The following PCSK5 variants were observed in gnomAD, a reference collection of about 807,000 sequenced individuals.
PCSK5 encodes the protein prohormone convertase 5.
PCSK5 carries 129 observed loss-of-function variants against 233.2 expected under a neutral mutation model. The observed-to-expected ratio is 0.55, with a 90% confidence interval of 0.48 to 0.64. PCSK5 has a LOEUF of 0.64. Among genes scored for constraint, PCSK5 ranks in the 30% least tolerant of loss-of-function variants. PCSK5 has a pLI of 0.00. For missense variants in PCSK5, 2,076 were observed against 2,430.1 expected (o/e 0.85, Z 3.06); for synonymous variants, 825 against 879.2 (o/e 0.94, Z 1.09).
chr9:76,031,232 ACT>A (rs1322671876), intron 5 of PCSK5, among the ~76,000 whole-genome samples: 1 of 152,154 alleles, frequency 6.6e-6, no homozygotes, highest in Non-Finnish European at 1.5e-5. Flanking sequence ...CAGATAGATA[ACT>A]CTGTTTGGAT....
At chr9:76,146,629 ATAAGT>A (rs1823453407) in intron 10 of PCSK5, among the ~76,000 whole-genome samples, 4 of 152,088 alleles carry the variant, frequency 2.6e-5, no homozygotes, top group African/African-American at 9.6e-5. Flanking sequence ...CTTGGAAAAG[ATAAGT>A]TATGTAGATG....
At chr9:76,215,174 G>T (rs980135026) in intron 20 of PCSK5, among the ~76,000 whole-genome samples, 2 of 152,220 alleles carry the variant, frequency 1.3e-5, no homozygotes, top group African/African-American at 4.8e-5. Flanking sequence ...GAACAGCAGA[G>T]AGAGGAATTG....
chr9:76,187,921 T>C (rs1824183187), intron 17 of PCSK5, among the ~76,000 whole-genome samples: 2 of 152,158 alleles, frequency 1.3e-5, no homozygotes, highest in Admixed American at 1.3e-4. Flanking sequence ...ATTGGGGAAA[T>C]AGCAGTACAG....
intron 8 of PCSK5, among the ~76,000 whole-genome samples, chr9:76,105,877 T>C (rs1831957825): frequency 6.6e-6 from 1 of 152,220 alleles, no homozygotes; most frequent in Non-Finnish European, 1.5e-5. Context: ...ACTTATGGTC[T>C]CATGTGAAAC....
chr9:75,917,306 G>A (rs926401687), intron 1 of PCSK5, among the ~76,000 whole-genome samples: 2 of 152,174 alleles, frequency 1.3e-5, no homozygotes, highest in Admixed American at 1.3e-4. Context: ...TTGTAAAACT[G>A]TTGAAGTGGG....
At chr9:76,328,437 G>A (rs983387468) in intron 33 of PCSK5, among the ~76,000 whole-genome samples, 198 bp downstream of exon 33, 2 of 152,150 alleles carry the variant, frequency 1.3e-5, no homozygotes, top group African/African-American at 2.4e-5. Context: ...CATCCAGTTC[G>A]CAAATTGCTC....
intron 2 of PCSK5, among the ~76,000 whole-genome samples, chr9:75,945,021 A>G (rs1824498254): frequency 6.6e-6 from 1 of 152,022 alleles, no homozygotes; most frequent in Non-Finnish European, 1.5e-5. Flanking sequence ...AGGCAGGAGA[A>G]TTGCTTGAAC....
intron 12 of PCSK5, among the ~76,000 whole-genome samples, chr9:76,164,188 C>T (rs899340639): frequency 1.3e-5 from 2 of 152,162 alleles, no homozygotes; most frequent in African/African-American, 4.8e-5. Flanking sequence ...TATATAAATG[C>T]ATCTGTGGGT....
intron 9 of PCSK5, among the ~76,000 whole-genome samples, chr9:76,112,031 G>A (rs959756123): frequency 6.6e-6 from 1 of 152,078 alleles, no homozygotes; most frequent in African/African-American, 2.4e-5. Flanking sequence ...GCAATTATTA[G>A]CAATGAAAAG....
At chr9:76,112,552 A>G (rs1832267085) in intron 9 of PCSK5, among the ~76,000 whole-genome samples, 1 of 152,022 alleles carries the variant, frequency 6.6e-6, no homozygotes, top group South Asian at 2.1e-4. Context: ...TCTCCTTATT[A>G]CTTATCTTTT....
chr9:75,934,834 C>G (rs1233577497), intron 2 of PCSK5, among the ~76,000 whole-genome samples: 1 of 152,102 alleles, frequency 6.6e-6, no homozygotes, highest in Non-Finnish European at 1.5e-5. Context: ...ATCTGCCCGC[C>G]TCAGCCTCCC....
intron 20 of PCSK5, among the ~76,000 whole-genome samples, chr9:76,197,710 CCTT>C (rs1192409246): frequency 6.6e-6 from 1 of 151,172 alleles, no homozygotes; most frequent in African/African-American, 2.4e-5. Flanking sequence ...TACCCCCCCT[CCTT>C]CTGTCCCCAA....
rs995984714 is a variant in PCSK5, at chr9:76,194,113, TGATGGACA to T, written c.2626+4378_2626+4385del. ...GGATTGCTCTGTATAGTCAAATTGG[TGATGGACA>T]GATGGACAGAATGCAGAGGTACATA... On this transcript the variant is annotated intron_variant, in intron 20 of 37. Transcript: ENST00000674117. 19 of 152,468 alleles carry T rather than the reference TGATGGACA, an allele frequency of 1.2e-4. 1 individual carries two copies. Among genetic ancestry groups the T allele is most frequent in the African/African-American group, 3.6e-4 (15 of 41,568 alleles). 9.4% of individuals were successfully genotyped at this position (152,468 alleles called of 1,614,324 possible).
chr9:76,101,981 T>C (rs1363924531), intron 8 of PCSK5, among the ~76,000 whole-genome samples: 1 of 152,228 alleles, frequency 6.6e-6, no homozygotes, highest in Non-Finnish European at 1.5e-5. Context: ...GTCTAGTGAA[T>C]CCAGATGTGT....
chr9:76,210,669 A>G (rs1418572404), intron 20 of PCSK5, among the ~76,000 whole-genome samples: 4 of 152,142 alleles, frequency 2.6e-5, no homozygotes, highest in Non-Finnish European at 5.9e-5. Flanking sequence ...TAGGTAGGAG[A>G]GTGGTCTGAT....
chr9:76,280,304 C>T (rs1016298960), intron 24 of PCSK5, among the ~76,000 whole-genome samples: 3 of 152,072 alleles, frequency 2.0e-5, no homozygotes, highest in African/African-American at 7.2e-5. Flanking sequence ...TCAGACCTTC[C>T]CTGAGATATA....
chr9:76,111,920 C>A (rs11144752), intron 9 of PCSK5, among the ~76,000 whole-genome samples: 1 of 151,836 alleles, frequency 6.6e-6, no homozygotes, highest in South Asian at 2.1e-4. Flanking sequence ...ATGATGTTTT[C>A]TATAAAATTG....
chr9:76,263,329 G>A (rs1436628900), intron 24 of PCSK5, among the ~76,000 whole-genome samples: 25 of 152,120 alleles, frequency 1.6e-4, no homozygotes, highest in Admixed American at 5.9e-4. Context: ...ACATGCACAC[G>A]TATGTTTATT....
intron 7 of PCSK5, among the ~76,000 whole-genome samples, chr9:76,090,496 G>A (rs993379465): frequency 4.6e-5 from 7 of 152,086 alleles, no homozygotes; most frequent in Non-Finnish European, 8.8e-5. Flanking sequence ...AACCATACTC[G>A]CAGGAATAAA....
Sources: gnomAD v4.1 joint callset for allele counts (sites outside exome capture counted in the v4.1 genomes callset) on GRCh38, gnomAD v4.1.1 for gene constraint, MANE v1.5 for transcripts, NCBI Gene and HGNC (gene_info 2026-07-23, HGNC 2026-07-21) for gene names.